TCF4: variants seen among roughly 807,000 people sequenced by gnomAD.
TCF4 encodes the protein SL3-3 enhancer factor 2.
TCF4 carries 3 observed loss-of-function variants against 82.1 expected under a neutral mutation model. That is an observed-to-expected ratio of 0.04 (90% CI 0.02 to 0.09). The LOEUF (loss-of-function observed/expected upper bound fraction) is 0.09, where lower values mean the gene tolerates loss of function less well. Among genes scored for constraint, TCF4 ranks in the 10% least tolerant of loss-of-function variants. TCF4 has a pLI of 1.00. For missense variants in TCF4, 518 were observed against 852.7 expected (o/e 0.61, Z 4.89); for synonymous variants, 276 against 309.6 (o/e 0.89, Z 1.14).
intron 11 of TCF4, 39 bp downstream of exon 11, chr18:55,269,792 C>T (rs753880666): frequency 1.2e-6 from 2 of 1,612,222 alleles, no homozygotes; most frequent in East Asian, 4.5e-5. Flanking sequence ...AACTCTGACA[C>T]CAATTGTTGG....
At chr18:55,515,848 A>G (rs1018432672) in intron 3 of TCF4, among the ~76,000 whole-genome samples, 3 of 152,172 alleles carry the variant, frequency 2.0e-5, no homozygotes, top group Admixed American at 6.6e-5. Flanking sequence ...TAAATTTAAA[A>G]ATCCATCTTT....
At chr18:55,463,779 T>C (rs1225251402) in intron 4 of TCF4, among the ~76,000 whole-genome samples, 1 of 152,160 alleles carries the variant, frequency 6.6e-6, no homozygotes. Flanking sequence ...ACCAAACATG[T>C]AACGAAGGAA....
At chr18:55,312,431 G>A (rs1043299834) in intron 8 of TCF4, among the ~76,000 whole-genome samples, 25 of 152,002 alleles carry the variant, frequency 1.6e-4, no homozygotes, top group African/African-American at 5.1e-4. Flanking sequence ...TTCCTTTTTC[G>A]TCATCTAAAG....
intron 8 of TCF4, among the ~76,000 whole-genome samples, chr18:55,348,859 T>C (rs1177930905): frequency 2.6e-5 from 4 of 152,194 alleles, no homozygotes; most frequent in Admixed American, 6.5e-5. Context: ...TTTCAGAACA[T>C]TCAAAGGTCC....
intron 5 of TCF4, among the ~76,000 whole-genome samples, chr18:55,435,371 A>G (rs1363252051): frequency 1.3e-5 from 2 of 152,212 alleles, no homozygotes; most frequent in African/African-American, 4.8e-5. Context: ...GCAAATGCTG[A>G]GTCTGTAACC....
chr18:55,566,702 G>T (rs1331302425), intron 3 of TCF4, among the ~76,000 whole-genome samples: 1 of 152,106 alleles, frequency 6.6e-6, no homozygotes, highest in Non-Finnish European at 1.5e-5. Flanking sequence ...GCAGATACAA[G>T]GGGACTGAAA....
intron 3 of TCF4, among the ~76,000 whole-genome samples, chr18:55,477,143 T>C (rs2096307908): frequency 6.6e-6 from 1 of 152,232 alleles, no homozygotes; most frequent in African/African-American, 2.4e-5. Flanking sequence ...CAATTTTTAA[T>C]TATGCTTTCT....
chr18:55,260,619 C>T (rs754236105), intron 12 of TCF4, among the ~76,000 whole-genome samples: 1 of 152,090 alleles, frequency 6.6e-6, no homozygotes, highest in African/African-American at 2.4e-5. Context: ...AGTGCAGTGG[C>T]ATGATCTCAG....
At chr18:55,470,544 T>C (rs927760299) in intron 3 of TCF4, among the ~76,000 whole-genome samples, 3 of 152,224 alleles carry the variant, frequency 2.0e-5, no homozygotes, top group African/African-American at 7.2e-5. Context: ...AGAAGTTATG[T>C]ATGCTGATCA....
rs966114304 is a variant in TCF4, at chr18:55,222,654, C to T, written c.*5381G>A. On this transcript the variant is annotated 3_prime_UTR_variant, in exon 20 of 20. Coordinates refer to ENST00000354452, the MANE Select transcript of TCF4 (RefSeq NM_001083962.2). ...TTGATTAGAACATTCTGTTATGAAGCGCTCAGCTACCGCGGGCTTTCCTTT... is the reference window on the plus strand; with the variant it reads ...TTGATTAGAACATTCTGTTATGAAGTGCTCAGCTACCGCGGGCTTTCCTTT... 2.0e-5 allele frequency: 3 copies of T among 152,618 alleles called. No homozygotes were observed. Among genetic ancestry groups the T allele is most frequent in the Non-Finnish European group, 4.4e-5 (3 of 68,040 alleles). The allele number at this position is 152,618 out of a possible 1,614,324, so 9.5% of individuals were successfully genotyped here.
intron 3 of TCF4, among the ~76,000 whole-genome samples, chr18:55,574,182 C>T (rs1293261969): frequency 2.0e-5 from 3 of 152,152 alleles, no homozygotes; most frequent in Non-Finnish European, 4.4e-5. Context: ...CAAATCCATT[C>T]GCCTTCCTTT....
chr18:55,606,815 G>T (rs963220561), intron 2 of TCF4, among the ~76,000 whole-genome samples: 1 of 152,170 alleles, frequency 6.6e-6, no homozygotes, highest in African/African-American at 2.4e-5. Context: ...CTATTGTAAT[G>T]ATTATATTAA....
At chr18:55,248,475 T>G (rs7241077) in intron 15 of TCF4, among the ~76,000 whole-genome samples, 1 of 152,108 alleles carries the variant, frequency 6.6e-6, no homozygotes, top group African/African-American at 2.4e-5. Context: ...CCCATGACTA[T>G]GTACCAATAA....
At chr18:55,492,767 C>G (rs951347669) in intron 3 of TCF4, among the ~76,000 whole-genome samples, 2 of 152,154 alleles carry the variant, frequency 1.3e-5, no homozygotes, top group Non-Finnish European at 2.9e-5. Flanking sequence ...TGAGGGGGCA[C>G]GAATGCCCCA....
At chr18:55,434,855 A>G (rs1021090954) in intron 5 of TCF4, among the ~76,000 whole-genome samples, 6 of 151,562 alleles carry the variant, frequency 4.0e-5, no homozygotes, top group African/African-American at 1.2e-4. Context: ...ATATTTTCAT[A>G]TAGGCTTATA....
At chr18:55,528,569 A>G (rs2097019967) in intron 3 of TCF4, among the ~76,000 whole-genome samples, 1 of 152,224 alleles carries the variant, frequency 6.6e-6, no homozygotes, top group South Asian at 2.1e-4. Context: ...ATGTAAAAGC[A>G]AAAATATGCT....
At chr18:55,370,770 A>T (rs543195567) in intron 6 of TCF4, among the ~76,000 whole-genome samples, 1 of 152,320 alleles carries the variant, frequency 6.6e-6, no homozygotes, top group Non-Finnish European at 1.5e-5. Context: ...CAAAAAAGAG[A>T]CCAACTAAAA....
Position 55,300,099 on chromosome 18 carries a change from TACACACACAC to T in TCF4, c.550-20453_550-20444del, listed in dbSNP as rs372975426. Among the ~76,000 whole-genome samples, 10 of 148,014 alleles carry T rather than the reference TACACACACAC, an allele frequency of 6.8e-5. No individual in the cohort carries two copies. In the East Asian group the frequency reaches 1.6e-3, roughly 23 times the overall value. The stretch of plus-strand genomic sequence containing the variant: ...AATGAAATACACACACATACAGATA[TACACACACAC>T]ACACACACACACACACCCCACATTA... On this transcript the variant is annotated intron_variant, in intron 8 of 19. Coordinates refer to ENST00000354452, the MANE Select transcript of TCF4 (RefSeq NM_001083962.2).
intron 2 of TCF4, among the ~76,000 whole-genome samples, chr18:55,622,309 C>G (rs1468419943): frequency 6.6e-6 from 1 of 150,686 alleles, no homozygotes; most frequent in Non-Finnish European, 1.5e-5. Flanking sequence ...GAGATCGAGA[C>G]CATCCTGCCC....
Sources: gnomAD v4.1 joint callset for allele counts (sites outside exome capture counted in the v4.1 genomes callset) on GRCh38, gnomAD v4.1.1 for gene constraint, MANE v1.5 for transcripts, NCBI Gene and HGNC (gene_info 2026-07-23, HGNC 2026-07-21) for gene names.